Variants in CUBN observed in about 807,000 individuals in gnomAD.
CUBN encodes the protein cubilin.
In CUBN, 282 loss-of-function variants were observed where a neutral mutation model predicts 405.3. The observed-to-expected ratio is 0.70, with a 90% CI of 0.63 to 0.77. The LOEUF (loss-of-function observed/expected upper bound fraction) is 0.77. Among genes scored for constraint, CUBN ranks in the 30% least tolerant of loss-of-function variants. The probability of loss-of-function intolerance (pLI) is 0.00; values close to 1 mark genes in which losing one functional copy is unlikely to be tolerated. For missense variants in CUBN, 4,514 were observed against 4,475.2 expected, an observed-to-expected ratio of 1.01 and a Z score of -0.25; for synonymous variants, 1,684 against 1,617.0, an observed-to-expected ratio of 1.04 and a Z score of -0.99.
intron 14 of CUBN, among the ~76,000 whole-genome samples, chr10:17,096,848 G>A (rs895898517): frequency 3.3e-5 from 5 of 151,906 alleles, no homozygotes; most frequent in Non-Finnish European, 7.4e-5. Flanking sequence ...TAAAACCTAT[G>A]GTCACAGAGA....
intron 14 of CUBN, among the ~76,000 whole-genome samples, chr10:17,092,376 C>G (rs928995926): frequency 1.3e-5 from 2 of 152,100 alleles, no homozygotes; most frequent in African/African-American, 4.8e-5. Flanking sequence ...GCATTCAAAC[C>G]AGAGCAACTC....
intron 62 of CUBN, among the ~76,000 whole-genome samples, chr10:16,838,508 A>G (rs899971260): frequency 2.0e-5 from 3 of 152,176 alleles, no homozygotes; most frequent in Non-Finnish European, 2.9e-5. Flanking sequence ...TCATTTTTCA[A>G]TTACCTATCA....
intron 57 of CUBN, among the ~76,000 whole-genome samples, chr10:16,875,757 G>A (rs1322594618): frequency 6.6e-6 from 1 of 152,092 alleles, no homozygotes; most frequent in Non-Finnish European, 1.5e-5. Context: ...TCTTTAAGTG[G>A]GACTCTTATA....
At chr10:16,988,821 TC>T (rs1833500841) in intron 29 of CUBN, among the ~76,000 whole-genome samples, 2 of 152,160 alleles carry the variant, frequency 1.3e-5, no homozygotes, top group African/African-American at 4.8e-5. Flanking sequence ...GCTCTTCCAC[TC>T]CCCTTCCATG....
intron 22 of CUBN, among the ~76,000 whole-genome samples, chr10:17,048,357 CT>C (rs1310889618): frequency 6.6e-6 from 1 of 152,224 alleles, no homozygotes; most frequent in Non-Finnish European, 1.5e-5. Flanking sequence ...AAAAACTTTT[CT>C]AGTTTAACAG....
intron 27 of CUBN, among the ~76,000 whole-genome samples, chr10:17,029,194 G>T (rs1055375244): frequency 6.6e-6 from 1 of 152,234 alleles, no homozygotes; most frequent in Non-Finnish European, 1.5e-5. Context: ...GAATCTGAGA[G>T]CAGAGGCTCT....
Position 16,948,604 on chromosome 10 carries a change from G to A in CUBN, c.5083C>T (p.Arg1695Cys), listed in dbSNP as rs770776726. The change falls in exon 35 of 67, where the codon CGT becomes TGT. Residue 1695 changes from arginine (R) to cysteine (C), a missense_variant and splice_region_variant. Physicochemically the swap from Arg to Cys is radical, Grantham distance 180 (BLOSUM62 -3). Coordinates refer to ENST00000377833, the MANE Select transcript of CUBN (RefSeq NM_001081.4). Reference sequence around the variant, plus strand: ...TGGGGCATGTCGGTGCCACAGTAACGGCCTAAATAATGAAGATAATGACAA... The same window carrying A: ...TGGGGCATGTCGGTGCCACAGTAACAGCCTAAATAATGAAGATAATGACAA... ...GGHEDAPLRG[R>C]YCGTDMPHPI... 7.4e-6 allele frequency: 12 copies of A among 1,613,620 alleles called. No homozygotes were observed. The highest frequency in any genetic ancestry group is 3.3e-5 in the South Asian group (3 of 91,010).
At chr10:17,082,072 C>A (rs924452898) in intron 17 of CUBN, among the ~76,000 whole-genome samples, 2 of 152,076 alleles carry the variant, frequency 1.3e-5, no homozygotes, top group Non-Finnish European at 2.9e-5. Context: ...ACAGCCACAT[C>A]GGCTGTCTCT....
intron 28 of CUBN, among the ~76,000 whole-genome samples, chr10:17,009,365 C>T (rs921517208): frequency 1.2e-4 from 18 of 152,172 alleles, no homozygotes; most frequent in African/African-American, 4.3e-4. Flanking sequence ...CAAAGGAAGA[C>T]AGATTCCAAG....
chr10:16,935,986 C>T (rs752658511), intron 39 of CUBN, among the ~76,000 whole-genome samples: 4 of 151,256 alleles, frequency 2.6e-5, no homozygotes, highest in Admixed American at 6.6e-5. Flanking sequence ...TTTAATGACA[C>T]TTTCACAGTG....
In CUBN at chr10:17,068,738, T is replaced by G; in HGVS notation, c.2658A>C (p.Glu886Asp). 6.2e-7 allele frequency: 1 copy of G among 1,612,650 alleles called. No individual in the cohort carries two copies. The stretch of plus-strand genomic sequence containing the variant: ...TGTCTGTACCGCAATACTTTTTATT[T>G]TCAGGAGAACCCAAAATGGAACTGC... ...IGSSSILGSP[E>D]NKKYCGTDIP... Residue 886 changes from glutamate (E) to aspartate (D), a missense_variant, in exon 20 of 67, where the codon GAA (glutamate) becomes GAC (aspartate). Coordinates refer to ENST00000377833, the MANE Select transcript of CUBN (RefSeq NM_001081.4).
chr10:17,067,743 A>T (rs1414171024), intron 21 of CUBN, among the ~76,000 whole-genome samples: 1 of 152,158 alleles, frequency 6.6e-6, no homozygotes, highest in African/African-American at 2.4e-5. Context: ...ATCTACAGAG[A>T]TAGAAAGTAG....
chr10:16,943,562 T>G (rs1842711722), intron 36 of CUBN, among the ~76,000 whole-genome samples: 1 of 152,176 alleles, frequency 6.6e-6, no homozygotes, highest in South Asian at 2.1e-4. Flanking sequence ...CGCAAAATTG[T>G]TTTCTTCTGC....
At chr10:16,848,585 C>T (rs981529245) in intron 60 of CUBN, among the ~76,000 whole-genome samples, 3 of 151,274 alleles carry the variant, frequency 2.0e-5, no homozygotes, top group African/African-American at 7.3e-5. Context: ...AGTCCCCATA[C>T]TCTCCGTCTC....
intron 13 of CUBN, among the ~76,000 whole-genome samples, chr10:17,102,374 C>T (rs547698566): frequency 1.9e-3 from 285 of 151,796 alleles, no homozygotes; most frequent in African/African-American, 6.0e-3. Context: ...GGAACCTCTG[C>T]CTCCTGAGCT....
rs1588620641 is a variant in CUBN, at chr10:17,065,730, T to A, written c.3009-92A>T. 3 of 1,464,432 alleles carry A rather than the reference T, an allele frequency of 2.0e-6. No individual in the cohort carries two copies. The South Asian group carries it at 3.4e-5, about 17-fold the overall frequency. 90.7% of individuals were successfully genotyped at this position (1,464,432 alleles called of 1,614,324 possible). On this transcript the variant is annotated intron_variant, in intron 21 of 66. Transcript: ENST00000377833. ...AAATTTGGACATGTAAATATAATAA[T>A]AGGTTTTGTTCTCTACCTCTCATCA...
chr10:17,082,613 T>C (rs1197322099), intron 17 of CUBN, among the ~76,000 whole-genome samples: 1 of 152,192 alleles, frequency 6.6e-6, no homozygotes, highest in African/African-American at 2.4e-5. Flanking sequence ...GAGAAAATCA[T>C]GATGCTCGGC....
At chr10:16,871,670 C>A (rs567748309) in intron 58 of CUBN, among the ~76,000 whole-genome samples, 7 of 152,112 alleles carry the variant, frequency 4.6e-5, no homozygotes, top group African/African-American at 1.7e-4. Context: ...ACAGACAACA[C>A]ATTTATTTTT....
At chr10:16,999,767 C>G (rs1405432807) in intron 28 of CUBN, among the ~76,000 whole-genome samples, 1 of 152,166 alleles carries the variant, frequency 6.6e-6, no homozygotes, top group Admixed American at 6.5e-5. Context: ...TTATTCAAAC[C>G]TGCATTCCTT....
Sources: allele counts gnomAD v4.1 joint callset (sites outside exome capture counted in the v4.1 genomes callset), GRCh38; gene constraint gnomAD v4.1.1; transcripts MANE v1.5; gene names NCBI Gene and HGNC (gene_info 2026-07-23, HGNC 2026-07-21).